The following CRB1 variants were observed in gnomAD, a reference collection of about 807,000 sequenced individuals.
The protein encoded by CRB1 is protein crumbs homolog 1.
In CRB1, 83 loss-of-function variants were observed where a neutral mutation model predicts 120.0. That is an observed-to-expected ratio of 0.69 (90% confidence interval 0.58 to 0.83). The LOEUF (loss-of-function observed/expected upper bound fraction) is 0.83, where lower values mean the gene tolerates loss of function less well. Ranked by LOEUF, CRB1 falls within the 40% of genes least tolerant of loss-of-function variation. The pLI is 0.00. For missense variants in CRB1, 1,699 were observed against 1,687.6 expected (o/e 1.01, Z -0.12); for synonymous variants, 625 against 612.5 (o/e 1.02, Z -0.30).
At chr1:197,450,130 G>T (rs575024166) in intron 11 of CRB1, among the ~76,000 whole-genome samples, 4 of 152,278 alleles carry the variant, frequency 2.6e-5, no homozygotes, top group Admixed American at 2.6e-4. Flanking sequence ...TCAGATTGTT[G>T]TTTTTTGCTA....
At chr1:197,223,154 G>A in the CRB1 span, 3 of 969,586 alleles carry the variant, frequency 3.1e-6, no homozygotes, top group South Asian at 1.3e-5. Context: ...GATTGCCTTG[G>A]CCCTGGCTGT....
chr1:197,415,641 C>CTTTTTTTT (rs55654070), intron 5 of CRB1, among the ~76,000 whole-genome samples: 6 of 94,012 alleles, frequency 6.4e-5, no homozygotes, highest in Non-Finnish European at 9.7e-5. Context: ...TTTTTCTTTT[C>CTTTTTTTT]TTTTTTTTTT....
intron 5 of CRB1, among the ~76,000 whole-genome samples, chr1:197,360,698 ATT>A (rs1023090433): frequency 1.3e-5 from 2 of 152,132 alleles, no homozygotes; most frequent in Admixed American, 1.3e-4. Flanking sequence ...AGATCTAGGA[ATT>A]TTCTTTTTGT....
intron 1 of CRB1, among the ~76,000 whole-genome samples, chr1:197,277,322 T>G (rs1655265156): frequency 6.6e-6 from 1 of 152,000 alleles, no homozygotes; most frequent in Non-Finnish European, 1.5e-5. Context: ...ATGACTCTTT[T>G]CTCTACATTC....
chr1:197,335,429 T>C (rs1447315886), intron 2 of CRB1, among the ~76,000 whole-genome samples: 1 of 152,142 alleles, frequency 6.6e-6, no homozygotes, highest in Non-Finnish European at 1.5e-5. Context: ...GTTAATACAA[T>C]AGTCCAAGAA....
intron 1 of CRB1, among the ~76,000 whole-genome samples, chr1:197,318,032 C>T (rs1657958349): frequency 6.6e-6 from 1 of 151,512 alleles, no homozygotes; most frequent in African/African-American, 2.4e-5. Context: ...TTCTGCATAG[C>T]AAAGGGAACA....
At chr1:197,451,483 T>A (rs1307004780) in intron 11 of CRB1, among the ~76,000 whole-genome samples, 1 of 152,188 alleles carries the variant, frequency 6.6e-6, no homozygotes, top group East Asian at 1.9e-4. Flanking sequence ...AAAGAAATGT[T>A]TGAGAATGAG....
At chr1:197,266,274 G>A (rs1571733318), upstream of CRB1, among the ~76,000 whole-genome samples, 1 of 152,058 alleles carries the variant, frequency 6.6e-6, no homozygotes, top group African/African-American at 2.4e-5. Flanking sequence ...GAACATCAAG[G>A]TACCAGCAAA....
chr1:197,231,040 T>C, the CRB1 span, among the ~76,000 whole-genome samples: 3 of 152,216 alleles, frequency 2.0e-5, no homozygotes, highest in Non-Finnish European at 2.9e-5. Flanking sequence ...CTGTAATTAA[T>C]AGACTTTGCT....
chr1:197,477,968 A>C lies in CRB1; in HGVS notation c.*89A>C. 3 of 1,283,758 alleles carry C rather than the reference A, an allele frequency of 2.3e-6. No homozygotes were observed. The Middle Eastern group carries it at 5.5e-4, about 237-fold the overall frequency. 79.5% of individuals were successfully genotyped at this position (1,283,758 alleles called of 1,614,324 possible). The stretch of plus-strand genomic sequence containing the variant: ...ATCTCTGACATACCTGACAATGTTA[A>C]TCTGCAACTGGGATTACACTGGAAC... On this transcript the variant is annotated 3_prime_UTR_variant, in exon 12 of 12. Coordinates refer to ENST00000367400, the MANE Select transcript of CRB1 (RefSeq NM_201253.3).
intron 1 of CRB1, among the ~76,000 whole-genome samples, chr1:197,317,664 C>T (rs1657934574): frequency 6.6e-6 from 1 of 152,090 alleles, no homozygotes; most frequent in South Asian, 2.1e-4. Context: ...GACTAATGAA[C>T]TGAATAGAGG....
At chr1:197,389,892 C>T (rs1004870115) in intron 5 of CRB1, among the ~76,000 whole-genome samples, 2 of 152,028 alleles carry the variant, frequency 1.3e-5, no homozygotes, top group Non-Finnish European at 2.9e-5. Flanking sequence ...AGGAGCCACT[C>T]CACCAAACTC....
At chr1:197,401,188 A>T (rs1663047220) in intron 5 of CRB1, among the ~76,000 whole-genome samples, 1 of 152,032 alleles carries the variant, frequency 6.6e-6, no homozygotes, top group African/African-American at 2.4e-5. Flanking sequence ...CTGTTATTGT[A>T]GAGTGTGGGT....
At chr1:197,240,677 G>A in the CRB1 span, among the ~76,000 whole-genome samples, 1 of 152,170 alleles carries the variant, frequency 6.6e-6, no homozygotes, top group Middle Eastern at 3.2e-3. Flanking sequence ...GTAAACATAT[G>A]TGTGCATGTG....
At chr1:197,453,441 CTAATTA>C (rs1449544380) in intron 11 of CRB1, among the ~76,000 whole-genome samples, 2 of 143,928 alleles carry the variant, frequency 1.4e-5, no homozygotes, top group Non-Finnish European at 3.0e-5. Flanking sequence ...TAGTAGTATA[CTAATTA>C]TAAATATATT....
chr1:197,469,585 T>G (rs1448540900), intron 11 of CRB1, among the ~76,000 whole-genome samples: 3 of 152,114 alleles, frequency 2.0e-5, no homozygotes, highest in African/African-American at 7.2e-5. Flanking sequence ...GCTCTGAATC[T>G]TTAGTTAGCA....
At chr1:197,337,312 G>A (rs1354039975) in intron 2 of CRB1, among the ~76,000 whole-genome samples, 4 of 152,274 alleles carry the variant, frequency 2.6e-5, no homozygotes, top group South Asian at 2.1e-4. Flanking sequence ...GTGCCAGTCC[G>A]AATGCAAAGG....
chr1:197,414,002 T>A (rs1558119617), intron 5 of CRB1: 1 of 454,564 alleles, frequency 2.2e-6, no homozygotes, highest in African/African-American at 2.0e-5. Context: ...TGCTCATAGG[T>A]AACTAACTCT....
chr1:197,320,082 C>T (rs1409563791), intron 1 of CRB1, among the ~76,000 whole-genome samples: 1 of 152,212 alleles, frequency 6.6e-6, no homozygotes, highest in African/African-American at 2.4e-5. Flanking sequence ...TAGGCTCCTT[C>T]ACTTCAGGAA....
Sources: allele counts gnomAD v4.1 joint callset (sites outside exome capture counted in the v4.1 genomes callset), GRCh38; gene constraint gnomAD v4.1.1; transcripts MANE v1.5; gene names NCBI Gene and HGNC (gene_info 2026-07-23, HGNC 2026-07-21).